Variants in DNAAF5 observed in about 807,000 individuals in gnomAD.
DNAAF5 encodes the protein HEAT repeat containing 2.
A neutral mutation model predicts 75.8 loss-of-function variants in DNAAF5; 64 were observed. The ratio of observed to expected loss-of-function variants is 0.84; its 90% CI spans 0.69 to 1.04. The LOEUF is 1.04. Ranked by LOEUF, DNAAF5 falls within the 50% of genes least tolerant of loss-of-function variation. The pLI, the probability that DNAAF5 is intolerant of heterozygous loss-of-function variation, is 0.00. For synonymous variants in DNAAF5, 657 were observed against 557.2 expected, an observed-to-expected ratio of 1.18 and a Z score of -2.52; for missense variants, 1,269 against 1,178.5, an observed-to-expected ratio of 1.08 and a Z score of -1.12.
chr7:729,986 A>T (rs954037927), intron 2 of DNAAF5, 139 bp downstream of exon 2: 3 of 804,660 alleles, frequency 3.7e-6, no homozygotes, highest in Middle Eastern at 2.5e-4. Context: ...TAGTCACAGG[A>T]CGTTCCTGTT....
At chr7:734,201 A>G (rs1781665920) in intron 2 of DNAAF5, among the ~76,000 whole-genome samples, 1 of 152,182 alleles carries the variant, frequency 6.6e-6, no homozygotes, top group Non-Finnish European at 1.5e-5. Flanking sequence ...AAGGCTTTCA[A>G]TTTTTCCCCA....
chr7:727,244 TG>T lies in DNAAF5; in HGVS notation c.525del (p.Leu176SerfsTer33). ...DDALRALRCS[L>X]LDPFAAVRRE... ...GCTCTGCGCGCGCTGCGCTGCTCCCTGCTCGACCCCTTCGCCGCCGTGCGCC... is the reference window on the plus strand; with the variant it reads ...GCTCTGCGCGCGCTGCGCTGCTCCCTCTCGACCCCTTCGCCGCCGTGCGCC... On this transcript the variant is annotated frameshift_variant, in exon 1 of 13. Coordinates refer to ENST00000297440, the MANE Select transcript of DNAAF5 (RefSeq NM_017802.4). LOFTEE classifies it high-confidence loss of function. 1 of 1,349,526 alleles carries T rather than the reference TG, an allele frequency of 7.4e-7. No individual in the cohort carries two copies. Among genetic ancestry groups the T allele is most frequent in the South Asian group, 1.7e-5 (1 of 57,286 alleles). 83.6% of individuals were successfully genotyped at this position (1,349,526 alleles called of 1,614,324 possible).
In DNAAF5 at chr7:741,479, G is replaced by A; in HGVS notation, c.1024+14G>A. 5 of 1,460,822 alleles carry A rather than the reference G, an allele frequency of 3.4e-6. No homozygotes were observed. The highest frequency in any genetic ancestry group is 2.1e-4 in the Middle Eastern group (1 of 4,662). The allele number at this position is 1,460,822 out of a possible 1,614,324, so 90.5% of individuals were successfully genotyped here. On this transcript the variant is annotated intron_variant, in intron 4 of 12. Transcript: ENST00000297440. ...ACCCTCCACATGGTGAGTGACCGCG[G>A]CAGAGGGGAGCGCCAGGAGGCGAGC...
chr7:776,162 C>T (rs915032633), intron 11 of DNAAF5, among the ~76,000 whole-genome samples: 26 of 151,908 alleles, frequency 1.7e-4, no homozygotes, highest in African/African-American at 4.4e-4. Flanking sequence ...AAATGGTGAC[C>T]CTGTCTCTAC....
At chr7:779,171 A>G (rs1336962789) in intron 11 of DNAAF5, among the ~76,000 whole-genome samples, 1 of 152,214 alleles carries the variant, frequency 6.6e-6, no homozygotes, top group African/African-American at 2.4e-5. Flanking sequence ...TGCCCTCCAC[A>G]TTGCAAAAGC....
At chr7:777,978 G>A (rs1045722114) in intron 11 of DNAAF5, among the ~76,000 whole-genome samples, 1 of 152,176 alleles carries the variant, frequency 6.6e-6, no homozygotes, top group Admixed American at 6.5e-5. Flanking sequence ...ATGGAGGAGA[G>A]ATGGTGCCTC....
At chr7:736,780 C>G (rs1781752151) in intron 2 of DNAAF5, among the ~76,000 whole-genome samples, 1 of 152,138 alleles carries the variant, frequency 6.6e-6, no homozygotes, top group Non-Finnish European at 1.5e-5. Context: ...CTCTTCCTTC[C>G]TTCTTGCCTT....
chr7:736,201 C>G (rs1250871488), intron 2 of DNAAF5, among the ~76,000 whole-genome samples: 4 of 152,154 alleles, frequency 2.6e-5, no homozygotes, highest in Non-Finnish European at 5.9e-5. Flanking sequence ...ATGCAATGTT[C>G]TATAAATACC....
chr7:764,792 T>C (rs911115368), intron 8 of DNAAF5, among the ~76,000 whole-genome samples: 6 of 152,192 alleles, frequency 3.9e-5, no homozygotes, highest in Non-Finnish European at 7.4e-5. Context: ...AAATACTGGC[T>C]GGGCGTGGTG....
At chr7:737,323 T>C (rs1194126280) in intron 2 of DNAAF5, among the ~76,000 whole-genome samples, 2 of 152,204 alleles carry the variant, frequency 1.3e-5, no homozygotes, top group Non-Finnish European at 2.9e-5. Flanking sequence ...CTTGAACTCC[T>C]GAGCTCAGGT....
intron 2 of DNAAF5, among the ~76,000 whole-genome samples, chr7:737,503 C>G (rs149352726): frequency 7.2e-5 from 11 of 152,358 alleles, no homozygotes; most frequent in African/African-American, 2.6e-4. Context: ...TGTGTGCTTA[C>G]TGTTACCACT....
At position 727,188 on chromosome 7, in the gene DNAAF5, C is replaced by G; in HGVS notation, c.468C>G (p.Cys156Trp). The G allele has an allele frequency of 7.4e-7, 1 of 1,342,754 alleles. No homozygotes were observed. Among genetic ancestry groups the G allele is most frequent in the South Asian group, 1.7e-5 (1 of 59,792 alleles). 83.2% of individuals were successfully genotyped at this position (1,342,754 alleles called of 1,614,324 possible). A position where few individuals can be genotyped will look rare whatever the true frequency, so the allele number is the denominator to read the frequency against. ...VQLLGLAVDL[C>W]GAALAPHLDD... is the part of the protein sequence containing the mutation. The stretch of plus-strand genomic sequence containing the variant: ...TGCTGGGCCTGGCCGTGGACCTGTG[C>G]GGCGCCGCGCTCGCGCCCCACCTGG... Residue 156 changes from cysteine (C) to tryptophan (W), a missense_variant, in exon 1 of 13, where the codon TGC (cysteine) becomes TGG (tryptophan). By Grantham distance (215) the Cys-to-Trp change is radical. Transcript: ENST00000297440.
chr7:780,047 C>T lies in DNAAF5; in HGVS notation c.2334C>T (p.Asn778=), dbSNP rs544376163. The stretch of plus-strand genomic sequence containing the variant: ...GGCTGCAGTGTGTCAAGGGTGCCAA[C>T]GCAAAATCCTACTATCAGAGCAGTG... ...VTWLQCVKGA[N]AKSYYQSSVQ... The change falls in exon 12 of 13, where the codon AAC becomes AAT. Residue 778 remains asparagine, a synonymous_variant. Transcript: ENST00000297440. 381 of 1,614,224 alleles carry T rather than the reference C, an allele frequency of 2.4e-4. 6 individuals carry two copies. In the South Asian group the frequency reaches 3.1e-3, roughly 13 times the overall value.
At chr7:730,697 G>A (rs1781535977) in intron 2 of DNAAF5, among the ~76,000 whole-genome samples, 1 of 152,186 alleles carries the variant, frequency 6.6e-6, no homozygotes, top group African/African-American at 2.4e-5. Context: ...CCCCTGCTTT[G>A]CCTCCATGGC....
chr7:747,698 G>T (rs1251458874), intron 4 of DNAAF5, among the ~76,000 whole-genome samples: 2 of 124,274 alleles, frequency 1.6e-5, no homozygotes, highest in South Asian at 3.3e-4. Context: ...TGCAGTGGTG[G>T]CCCACGGTGT....
intron 8 of DNAAF5, chr7:768,389 T>C (rs1296973346): frequency 7.0e-6 from 1 of 143,632 alleles, no homozygotes; most frequent in Non-Finnish European, 1.5e-5. Flanking sequence ...CAGCTCACAC[T>C]GGGAGGGAAG....
At chr7:736,213 A>G (rs960293224) in intron 2 of DNAAF5, among the ~76,000 whole-genome samples, 1 of 152,218 alleles carries the variant, frequency 6.6e-6, no homozygotes, top group Non-Finnish European at 1.5e-5. Context: ...ATAAATACCT[A>G]TGAGGTCCAT....
chr7:769,802 G>C (rs1027623269), intron 8 of DNAAF5, among the ~76,000 whole-genome samples: 5 of 152,082 alleles, frequency 3.3e-5, no homozygotes, highest in African/African-American at 9.7e-5. Flanking sequence ...ACCACGCCCA[G>C]CTAATTTTGT....
Position 726,827 on chromosome 7 carries a change from C to A in DNAAF5, c.107C>A (p.Pro36Gln). Reference sequence around the variant, plus strand: ...AGCCGCGCCCTGAGCCGCCTGCTGCCGGGGCTGGAGGCCGACAGCAAGCCG... The same window carrying A: ...AGCCGCGCCCTGAGCCGCCTGCTGCAGGGGCTGGAGGCCGACAGCAAGCCG... ...ELSRALSRLL[P>Q]GLEADSKPGR... The change falls in exon 1 of 13, where the codon CCG becomes CAG. Residue 36 changes from proline to glutamine, a missense_variant. Physicochemically the swap from Pro to Gln is moderately conservative, Grantham distance 76. Coordinates refer to ENST00000297440, the MANE Select transcript of DNAAF5 (RefSeq NM_017802.4). 7.5e-7 allele frequency: 1 copy of A among 1,326,946 alleles called. No homozygotes were observed. Among genetic ancestry groups the A allele is most frequent in the South Asian group, 2.0e-5 (1 of 49,532 alleles). The allele number at this position is 1,326,946 out of a possible 1,614,324, so 82.2% of individuals were successfully genotyped here. A position where few individuals can be genotyped will look rare whatever the true frequency, so the allele number is the denominator to read the frequency against.
Sources: allele counts gnomAD v4.1 joint callset (sites outside exome capture counted in the v4.1 genomes callset), GRCh38; gene constraint gnomAD v4.1.1; transcripts MANE v1.5; gene names NCBI Gene and HGNC (gene_info 2026-07-23, HGNC 2026-07-21).